UGT2A1: variants seen among roughly 807,000 people sequenced by gnomAD.
UGT2A1 encodes UDP-glucuronosyltransferase 2A1.
A neutral mutation model predicts 45.4 loss-of-function variants in UGT2A1; 61 were observed. The ratio of observed to expected loss-of-function variants is 1.34; its 90% CI spans 1.09 to 1.66. UGT2A1 has a LOEUF of 1.66. Ranked by LOEUF, UGT2A1 falls within the 40% of genes most tolerant of loss-of-function variation. The probability of loss-of-function intolerance (pLI) is 0.00; values close to 1 mark genes in which losing one functional copy is unlikely to be tolerated. For missense variants in UGT2A1, 649 were observed against 574.3 expected, an observed-to-expected ratio of 1.13 and a Z score of -1.33; for synonymous variants, 229 against 196.2, an observed-to-expected ratio of 1.17 and a Z score of -1.40.
chr4:69,622,172 A>T (rs920845579), intron 3 of UGT2A1, among the ~76,000 whole-genome samples: 1 of 151,870 alleles, frequency 6.6e-6, no homozygotes, highest in Admixed American at 6.6e-5. Flanking sequence ...TTATTTTTTT[A>T]AATAAAAAAT....
intron 1 of UGT2A1, among the ~76,000 whole-genome samples, chr4:69,648,423 C>G (rs996208480): frequency 6.6e-6 from 1 of 151,828 alleles, no homozygotes; most frequent in South Asian, 2.1e-4. Context: ...ATACATCTAC[C>G]AAAAGTGCTG....
At chr4:69,605,944 CA>C (rs567330470) in intron 3 of UGT2A1, among the ~76,000 whole-genome samples, 1 of 135,778 alleles carries the variant, frequency 7.4e-6, no homozygotes, top group Non-Finnish European at 1.6e-5. Context: ...GCTTAGCAAC[CA>C]AAAAAAGTCC....
chr4:69,603,180 T>C (rs1022165211), intron 3 of UGT2A1, among the ~76,000 whole-genome samples: 4 of 136,522 alleles, frequency 2.9e-5, no homozygotes, highest in Admixed American at 2.9e-4. Context: ...CTAAAATCCA[T>C]ACGGAAAAGC....
intron 3 of UGT2A1, among the ~76,000 whole-genome samples, chr4:69,625,202 T>C (rs1720980552): frequency 6.6e-6 from 1 of 151,122 alleles, no homozygotes; most frequent in Non-Finnish European, 1.5e-5. Context: ...TTTTTTAATT[T>C]TCCTTCCATT....
intron 2 of UGT2A1, chr4:69,638,914 A>G: frequency 3.8e-6 from 6 of 1,589,540 alleles, no homozygotes; most frequent in Non-Finnish European, 5.1e-6. Flanking sequence ...ATTTTGCTAT[A>G]GTATGAATTC....
At chr4:69,612,382 T>A (rs779203511) in intron 3 of UGT2A1, among the ~76,000 whole-genome samples, 10 of 151,890 alleles carry the variant, frequency 6.6e-5, no homozygotes, top group Non-Finnish European at 1.2e-4. Flanking sequence ...AATCATCACA[T>A]AATTAGATAA....
chr4:69,616,368 T>C (rs1720384369), intron 3 of UGT2A1, among the ~76,000 whole-genome samples: 1 of 151,918 alleles, frequency 6.6e-6, no homozygotes, highest in Non-Finnish European at 1.5e-5. Flanking sequence ...TTAAAATGAC[T>C]AAGAGTGGAA....
At position 69,589,152 on chromosome 4, in the gene UGT2A1, A is replaced by C; in HGVS notation, c.*220T>G. 4.3e-6 allele frequency: 2 copies of C among 468,670 alleles called. No individual in the cohort carries two copies. Among genetic ancestry groups the C allele is most frequent in the African/African-American group, 3.9e-5 (2 of 50,838 alleles). 29.0% of individuals were successfully genotyped at this position (468,670 alleles called of 1,614,324 possible). A position where few individuals can be genotyped will look rare whatever the true frequency, so the allele number is the denominator to read the frequency against. ...GGAAGAGGGTATAGTCAGCAGGGAGAGACAAAGGAAAAATAGAAGACTATA... is the reference window on the plus strand; with the variant it reads ...GGAAGAGGGTATAGTCAGCAGGGAGCGACAAAGGAAAAATAGAAGACTATA... On this transcript the variant is annotated 3_prime_UTR_variant, in exon 7 of 7. Coordinates refer to ENST00000286604, the MANE Select transcript of UGT2A1 (RefSeq NM_001252275.3).
chr4:69,649,606 A>C (rs947202502), intron 1 of UGT2A1, among the ~76,000 whole-genome samples: 1 of 152,124 alleles, frequency 6.6e-6, no homozygotes, highest in African/African-American at 2.4e-5. Context: ...GGGCAGCCTG[A>C]AGCTGCACAA....
intron 3 of UGT2A1, among the ~76,000 whole-genome samples, chr4:69,625,552 T>C (rs542197267): frequency 1.3e-5 from 2 of 151,350 alleles, no homozygotes; most frequent in East Asian, 1.9e-4. Flanking sequence ...TACTATCCAA[T>C]GTATTTTTAA....
intron 5 of UGT2A1, 41 bp downstream of exon 5, chr4:69,595,121 T>A (rs2109881279): frequency 1.2e-6 from 2 of 1,609,672 alleles, no homozygotes; most frequent in Middle Eastern, 1.7e-4. Context: ...TTAACTTGTC[T>A]ATTGTCCCAC....
Position 69,589,597 on chromosome 4 carries a change from C to T in UGT2A1, c.1359G>A (p.Lys453=), listed in dbSNP as rs1199276865. ...TCCAGAAGACTGCTCGATCCAGGGG[C>T]TTTACAGGTTGATCATGGTGAATTC... ...LSRIHHDQPV[K]PLDRAVFWIE... is the part of the protein sequence containing the mutation. The change falls in exon 7 of 7, where the codon AAG becomes AAA. Residue 453 remains lysine (K), a synonymous_variant. Transcript: ENST00000286604. 9 of 1,613,834 alleles carry T rather than the reference C, an allele frequency of 5.6e-6. No individual in the cohort carries two copies. Among genetic ancestry groups the T allele is most frequent in the Admixed American group, 1.7e-5 (1 of 59,990 alleles).
rs371618424 is a variant in UGT2A1, at chr4:69,606,678, G to C, written c.848-7284C>G. 1.5e-5 allele frequency among the ~76,000 whole-genome samples: 2 copies of C among 136,416 alleles called. 1 individual carries two copies. Among genetic ancestry groups the C allele is most frequent in the Non-Finnish European group, 3.1e-5 (2 of 64,242 alleles). The allele number at this position is 136,416 out of a possible 152,430, so 89.5% of individuals were successfully genotyped here. On this transcript the variant is annotated intron_variant, in intron 3 of 6. Coordinates refer to ENST00000286604, the MANE Select transcript of UGT2A1 (RefSeq NM_001252275.3). ...GATTGTATATCTAGAAAACACCATC[G>C]TCTCAGCCCAAAATCTCCTTAAGCT...
intron 3 of UGT2A1, 199 bp from the exon 4 acceptor site, chr4:69,599,593 AAGGAAGGAAGGG>A (rs1020635623): frequency 8.4e-5 from 62 of 736,120 alleles, no homozygotes; most frequent in Non-Finnish European, 1.1e-4. Flanking sequence ...GGAAGAAAAG[AAGGAAGGAAGGG>A]AGGAAGGGAG....
At chr4:69,619,420 C>CATAAAATAAA (rs146525091) in intron 3 of UGT2A1, among the ~76,000 whole-genome samples, 2,021 of 149,390 alleles carry the variant, frequency 0.014, 16 homozygotes, top group African/African-American at 0.027. Context: ...TACATAAATA[C>CATAAAATAAA]ATAAAATAAA....
At chr4:69,616,623 G>A (rs1480728551) in intron 3 of UGT2A1, among the ~76,000 whole-genome samples, 1 of 151,770 alleles carries the variant, frequency 6.6e-6, no homozygotes, top group Non-Finnish European at 1.5e-5. Flanking sequence ...AAAGCCACTG[G>A]CTTACCCATT....
At chr4:69,618,045 A>T (rs917830405) in intron 3 of UGT2A1, among the ~76,000 whole-genome samples, 25 of 152,040 alleles carry the variant, frequency 1.6e-4, no homozygotes, top group African/African-American at 6.0e-4. Context: ...TTTGTTTGAC[A>T]TCATTTAATT....
Position 69,643,530 on chromosome 4 carries a change from T to C in UGT2A1, c.715+3400A>G, listed in dbSNP as rs965301920. On this transcript the variant is annotated intron_variant, in intron 2 of 6. Transcript: ENST00000286604. ...AGTTCAAGGATTGATAGAAAATATA[T>C]GTAAATCACTTATCACAGTGGCTAG... 4.6e-5 allele frequency among the ~76,000 whole-genome samples: 7 copies of C among 151,670 alleles called. No homozygotes were observed. In the East Asian group the frequency reaches 1.4e-3, roughly 29 times the overall value.
intron 2 of UGT2A1, among the ~76,000 whole-genome samples, chr4:69,637,653 TCTTCTTA>T (rs1313817175): frequency 6.6e-6 from 1 of 152,164 alleles, no homozygotes; most frequent in East Asian, 1.9e-4. Context: ...AACTATCTGT[TCTTCTTA>T]CTTTATTATT....
Sources: gnomAD v4.1 joint callset for allele counts (sites outside exome capture counted in the v4.1 genomes callset) on GRCh38, gnomAD v4.1.1 for gene constraint, MANE v1.5 for transcripts, NCBI Gene and HGNC (gene_info 2026-07-23, HGNC 2026-07-21) for gene names.